Variants in SEMA3F observed in about 807,000 individuals in gnomAD.
The protein encoded by SEMA3F is semaphorin-3F.
In SEMA3F, 30 loss-of-function variants were observed where a neutral mutation model predicts 98.5. The ratio of observed to expected loss-of-function variants is 0.30; its 90% CI spans 0.23 to 0.41. The LOEUF (loss-of-function observed/expected upper bound fraction) is 0.41, where lower values mean the gene tolerates loss of function less well. Ranked by LOEUF, SEMA3F falls within the 10% of genes least tolerant of loss-of-function variation. The probability of loss-of-function intolerance (pLI) is 1.00; values close to 1 mark genes in which losing one functional copy is unlikely to be tolerated. For missense variants in SEMA3F, 866 were observed against 1,119.3 expected (o/e 0.77, Z 3.23); for synonymous variants, 380 against 444.8 (o/e 0.85, Z 1.83).
At chr3:50,171,590 A>AC (rs1255903426) in intron 2 of SEMA3F, among the ~76,000 whole-genome samples, 1 of 151,594 alleles carries the variant, frequency 6.6e-6, no homozygotes, top group Non-Finnish European at 1.5e-5. Context: ...GGTATAAATA[A>AC]CCCCTGGCGG....
chr3:50,176,302 T>C (rs1224474455), intron 6 of SEMA3F, among the ~76,000 whole-genome samples: 2 of 152,152 alleles, frequency 1.3e-5, no homozygotes, highest in African/African-American at 4.8e-5. Context: ...CTAGACCTGA[T>C]GGCAAAGGAC....
Position 50,166,384 on chromosome 3 carries a change from T to A in SEMA3F, c.112+6650T>A, listed in dbSNP as rs1698407579. ...CTTTGGGCTCCTACAGCTCCAAGGC[T>A]GAGTGGCTAGCACTCCAGGGGGCCT... On this transcript the variant is annotated intron_variant, in intron 2 of 18. Transcript: ENST00000002829. This position sits in a 1 kb window ranked among gnomAD's most constrained non-coding sequence, Gnocchi z 4.7. Among the ~76,000 whole-genome samples the A allele has an allele frequency of 6.6e-6, 1 of 152,236 alleles. No individual in the cohort carries two copies. Among genetic ancestry groups the A allele is most frequent in the Non-Finnish European group, 1.5e-5 (1 of 68,040 alleles).
Position 50,166,262 on chromosome 3 carries a change from C to T in SEMA3F, c.112+6528C>T, listed in dbSNP as rs1305502469. On this transcript the variant is annotated intron_variant, in intron 2 of 18. Transcript: ENST00000002829. The surrounding 1 kb of genome is among the most constrained non-coding windows in gnomAD (Gnocchi z 4.7). ...TGCTGATGCCCTCATTTCCCCCGGCCAGAGTCCACTGCCTCGTGTGTCTGC... is the reference window on the plus strand; with the variant it reads ...TGCTGATGCCCTCATTTCCCCCGGCTAGAGTCCACTGCCTCGTGTGTCTGC... 6.6e-6 allele frequency among the ~76,000 whole-genome samples: 1 copy of T among 152,222 alleles called. No individual in the cohort carries two copies. Among genetic ancestry groups the T allele is most frequent in the Non-Finnish European group, 1.5e-5 (1 of 68,042 alleles).
At chr3:50,187,274 A>C (rs1035337116) in intron 18 of SEMA3F, among the ~76,000 whole-genome samples, 3 of 152,130 alleles carry the variant, frequency 2.0e-5, no homozygotes, top group Non-Finnish European at 2.9e-5. Flanking sequence ...CAAAAATACA[A>C]AAATTAGCTG....
At chr3:50,160,959 T>A (rs1281531320) in intron 2 of SEMA3F, among the ~76,000 whole-genome samples, 1 of 152,106 alleles carries the variant, frequency 6.6e-6, no homozygotes, top group Non-Finnish European at 1.5e-5. Context: ...AAGAGTTAAT[T>A]TGTTTGGGCT....
At chr3:50,161,511 A>G (rs1698206872) in intron 2 of SEMA3F, among the ~76,000 whole-genome samples, 1 of 152,254 alleles carries the variant, frequency 6.6e-6, no homozygotes, top group African/African-American at 2.4e-5. Context: ...ACTGGCAGCC[A>G]GCCTGGGTGT....
rs751654453 is a variant in SEMA3F at position 50,175,231 on chromosome 3, C to G, written c.549+43C>G. 4 of 1,356,920 alleles carry G rather than the reference C, an allele frequency of 2.9e-6. No individual in the cohort carries two copies. In the East Asian group the frequency reaches 7.4e-5, roughly 25 times the overall value. The allele number at this position is 1,356,920 out of a possible 1,614,324, so 84.1% of individuals were successfully genotyped here. On this transcript the variant is annotated intron_variant, in intron 6 of 18. Transcript: ENST00000002829. Reference sequence around the variant, plus strand: ...AGGCCTTTGCCAGGCAGCACTGCCTCTGAGCGGAACTCACCCTGGGCCTGC... The same window carrying G: ...AGGCCTTTGCCAGGCAGCACTGCCTGTGAGCGGAACTCACCCTGGGCCTGC...
chr3:50,157,928 T>A (rs1698057127), intron 1 of SEMA3F, among the ~76,000 whole-genome samples: 2 of 152,158 alleles, frequency 1.3e-5, no homozygotes, highest in South Asian at 4.1e-4. Context: ...TCTGAGGGAC[T>A]CAGACGGCAT....
intron 5 of SEMA3F, 94 bp downstream of exon 5, chr3:50,174,444 A>C (rs1698730868): frequency 1.4e-6 from 2 of 1,455,374 alleles, no homozygotes; most frequent in Non-Finnish European, 1.9e-6. Context: ...CAGCCCTGCC[A>C]CTTCCGAGCC....
At chr3:50,157,816 CT>C (rs1407462132) in intron 1 of SEMA3F, among the ~76,000 whole-genome samples, 1 of 152,178 alleles carries the variant, frequency 6.6e-6, no homozygotes, top group East Asian at 1.9e-4. Flanking sequence ...GTGACACTGA[CT>C]TTGTCACCAT....
At position 50,186,320 on chromosome 3, in the gene SEMA3F, C is replaced by T; in HGVS notation, c.1785C>T (p.Ile595=). 6.2e-7 allele frequency: 1 copy of T among 1,613,934 alleles called. No individual in the cohort carries two copies. Among genetic ancestry groups the T allele is most frequent in the Non-Finnish European group, 8.5e-7 (1 of 1,179,988 alleles). The change falls in exon 17 of 19, where the codon ATC becomes ATT. Residue 595 remains isoleucine (I), a synonymous_variant. Transcript: ENST00000002829. ...AGGACGTCCGGCACGGAAACCCCATCAGGCAGTGCCGTGGGTTCAACTCCA... is the reference window on the plus strand; with the variant it reads ...AGGACGTCCGGCACGGAAACCCCATTAGGCAGTGCCGTGGGTTCAACTCCA... The part of the protein sequence containing the change: ...RRQDVRHGNP[I]RQCRGFNSNA...
upstream of SEMA3F, chr3:50,155,070 C>T: frequency 2.7e-6 from 1 of 372,024 alleles, no homozygotes; most frequent in Non-Finnish European, 4.9e-6. The surrounding 1 kb of genome is among the most constrained non-coding windows in gnomAD (Gnocchi z 4.9). Context: ...GCGCCCCGTC[C>T]CGCCGGCGGC....
At chr3:50,180,110 C>T (rs531344582) in intron 7 of SEMA3F, among the ~76,000 whole-genome samples, 4 of 152,202 alleles carry the variant, frequency 2.6e-5, no homozygotes, top group Admixed American at 6.5e-5. Flanking sequence ...ACATGCTTTC[C>T]GTACTAAGCT....
At chr3:50,186,573 G>A in intron 17 of SEMA3F, 40 bp from the exon 18 acceptor site, 1 of 1,571,130 alleles carries the variant, frequency 6.4e-7, no homozygotes, top group African/African-American at 1.3e-5. Context: ...AGGCTGCCCG[G>A]AGGTGATGCT....
Position 50,156,334 on chromosome 3 carries a change from G to GGAA in SEMA3F, c.-49+770_-49+771insGAA, listed in dbSNP as rs1697981911. On this transcript the variant is annotated intron_variant, in intron 1 of 18. Transcript: ENST00000002829. The surrounding 1 kb of genome is among the most constrained non-coding windows in gnomAD (Gnocchi z 4.5). ...TCAAAGTTGGCCTAGGAATGAGGCA[G>GGAA]TGCTGGCGGGAGTTGGCTGGAGCTG... 6.6e-6 allele frequency among the ~76,000 whole-genome samples: 1 copy of GGAA among 152,272 alleles called. No individual in the cohort carries two copies. The highest frequency in any genetic ancestry group is 1.5e-5 in the Non-Finnish European group (1 of 68,044).
chr3:50,157,194 T>C (rs1194725888), intron 1 of SEMA3F, among the ~76,000 whole-genome samples: 2 of 151,772 alleles, frequency 1.3e-5, no homozygotes, highest in Non-Finnish European at 2.9e-5. Flanking sequence ...GCGGTCTGGA[T>C]CCGGCTGTAC....
intron 5 of SEMA3F, 104 bp downstream of exon 5, chr3:50,174,454 CT>C: frequency 7.1e-7 from 1 of 1,404,684 alleles, no homozygotes. Context: ...ACTTCCGAGC[CT>C]TTTGACCTTG....
chr3:50,169,559 G>A (rs1436709970), intron 2 of SEMA3F, among the ~76,000 whole-genome samples: 1 of 152,136 alleles, frequency 6.6e-6, no homozygotes, highest in Non-Finnish European at 1.5e-5. Flanking sequence ...CCCTTCCCAG[G>A]AGACAGCACC....
At position 50,174,091 on chromosome 3, in the gene SEMA3F, G is replaced by C; in HGVS notation, c.313G>C (p.Val105Leu). The C allele has an allele frequency of 6.2e-7, 1 of 1,614,130 alleles. No individual in the cohort carries two copies. Among genetic ancestry groups the C allele is most frequent in the Non-Finnish European group, 8.5e-7 (1 of 1,180,024 alleles). The change falls in exon 4 of 19, where the codon GTG (valine) becomes CTG (leucine). Residue 105 changes from valine (V) to leucine (L), a missense_variant. By Grantham distance (32) the Val-to-Leu change is conservative. Around this residue, in one of 3 missense-constraint regions of SEMA3F, gnomAD observed 247 missense variants for 276.0 expected, o/e 0.89. Transcript: ENST00000002829. ...AASPQRIEEC[V>L]LSGKDVNGEC... ...CTCCCCACAGCGCATCGAGGAATGCGTGCTCTCAGGCAAGGATGTCAACGT... is the reference window on the plus strand; with the variant it reads ...CTCCCCACAGCGCATCGAGGAATGCCTGCTCTCAGGCAAGGATGTCAACGT...
Sources: allele counts gnomAD v4.1 joint callset (sites outside exome capture counted in the v4.1 genomes callset), GRCh38; gene constraint gnomAD v4.1.1; regional missense constraint gnomAD v4.1.1; non-coding constraint Gnocchi (gnomAD v3.1); transcripts MANE v1.5; gene names NCBI Gene and HGNC (gene_info 2026-07-23, HGNC 2026-07-21).